CES2: variants seen among roughly 807,000 people sequenced by gnomAD.
The protein encoded by CES2 is cocaine esterase.
CES2 carries 42 observed loss-of-function variants against 52.1 expected under a neutral mutation model. The observed-to-expected ratio is 0.81, with a 90% CI of 0.63 to 1.04. CES2 has a LOEUF of 1.04. Ranked by LOEUF, CES2 falls within the 50% of genes least tolerant of loss-of-function variation. CES2 has a pLI of 0.00. For missense variants in CES2, 656 were observed against 724.3 expected, an observed-to-expected ratio of 0.91 and a Z score of 1.08; for synonymous variants, 277 against 289.6, an observed-to-expected ratio of 0.96 and a Z score of 0.44.
rs546636740 is a variant in CES2 at position 66,943,218 on chromosome 16, T to G, written c.1421-81T>G. ...AGAAGCAGGACTGGGGACCGAGGTC[T>G]CGGGGGCCAAGGACGAGCTCCACCT... On this transcript the variant is annotated intron_variant, in intron 10 of 11. Transcript: ENST00000317091. The surrounding 1 kb of genome is among the most constrained non-coding windows in gnomAD (Gnocchi z 4.2). 6.9e-7 allele frequency: 1 copy of G among 1,458,184 alleles called. No individual in the cohort carries two copies. Among genetic ancestry groups the G allele is most frequent in the African/African-American group, 1.4e-5 (1 of 71,682 alleles). The allele number at this position is 1,458,184 out of a possible 1,614,324, so 90.3% of individuals were successfully genotyped here.
At position 66,935,534 on chromosome 16, in the gene CES2, A is replaced by G; in HGVS notation, c.-102A>G. 6.2e-7 allele frequency: 1 copy of G among 1,614,088 alleles called. No individual in the cohort carries two copies. Among genetic ancestry groups the G allele is most frequent in the Non-Finnish European group, 8.5e-7 (1 of 1,180,020 alleles). ...GACTCCCTGCCCAGTCCAAACTCCAAGGCTGGGCAAGGCACTGATCCACTG... is the reference window on the plus strand; with the variant it reads ...GACTCCCTGCCCAGTCCAAACTCCAGGGCTGGGCAAGGCACTGATCCACTG... On this transcript the variant is annotated 5_prime_UTR_variant, in exon 1 of 12. Transcript: ENST00000317091.
chr16:66,940,587 G>T lies in CES2; in HGVS notation c.708G>T (p.Ser236=), dbSNP rs149179989. 13 of 1,614,208 alleles carry T rather than the reference G, an allele frequency of 8.1e-6. No homozygotes were observed. The highest frequency in any genetic ancestry group is 1.1e-5 in the Non-Finnish European group (13 of 1,180,038). Residue 236 remains serine (S), a synonymous_variant, in exon 5 of 12, where the codon TCG becomes TCT. Coordinates refer to ENST00000317091, the MANE Select transcript of CES2 (RefSeq NM_001365405.1). ...CTGCGGGTGGCACGAGTGTGTCTTC[G>T]CTTGTTGTGTCCCCCATATCCCAAG... ...GESAGGTSVS[S]LVVSPISQGL...
In CES2 at chr16:66,941,628, C is replaced by T. The variant is rs753679470; in HGVS notation, c.1038C>T (p.Phe346=). 8.7e-6 allele frequency: 14 copies of T among 1,613,886 alleles called. No homozygotes were observed. The highest frequency in any genetic ancestry group is 2.7e-5 in the African/African-American group (2 of 74,892). ...PSIVGVNNNE[F]GWLIPKVMRI... ...TTGTTGGTGTCAACAACAATGAATT[C>T]GGCTGGCTCATCCCCAAGGTGAGCC... Residue 346 remains phenylalanine (F), a synonymous_variant, in exon 7 of 12, where the codon TTC becomes TTT. Transcript: ENST00000317091.
Position 66,935,679 on chromosome 16 carries a change from G to A in CES2, c.44G>A (p.Cys15Tyr), listed in dbSNP as rs758169695. ...CGTGCGCGGCTGAGCGCGGTGGCCTGTGGGCTTCTGCTGCTTCTTGTCCGG... is the reference window on the plus strand; with the variant it reads ...CGTGCGCGGCTGAGCGCGGTGGCCTATGGGCTTCTGCTGCTTCTTGTCCGG... ...RLRARLSAVA[C>Y]GLLLLLVRGQ... The change falls in exon 1 of 12, where the codon TGT becomes TAT. Residue 15 changes from cysteine (C) to tyrosine (Y), a missense_variant. Transcript: ENST00000317091. 3 of 1,601,708 alleles carry A rather than the reference G, an allele frequency of 1.9e-6. No individual in the cohort carries two copies. Among genetic ancestry groups the A allele is most frequent in the Non-Finnish European group, 8.5e-7 (1 of 1,179,852 alleles).
chr16:66,938,436 C>G (rs1963270291), intron 2 of CES2, 195 bp downstream of exon 2: 2 of 596,652 alleles, frequency 3.4e-6, no homozygotes, highest in Non-Finnish European at 6.0e-6. Context: ...TTCTCAGACT[C>G]CTGGATCAGG....
At chr16:66,935,798 G>A in intron 1 of CES2, 87 bp downstream of exon 1, 1 of 1,591,936 alleles carries the variant, frequency 6.3e-7, no homozygotes, top group South Asian at 1.1e-5. Context: ...GGGAGGGCAG[G>A]CGCCTGGGAG....
At chr16:66,941,951 T>C in intron 8 of CES2, 103 bp downstream of exon 8, 7 of 1,555,376 alleles carry the variant, frequency 4.5e-6, no homozygotes, top group Non-Finnish European at 5.3e-6. Flanking sequence ...GTGACCCCCA[T>C]GAGCAAAGGC....
chr16:66,943,768 G>T lies in CES2; in HGVS notation c.1494-71G>T. ...GGCTGCCTTGCCTGACCAGACTCAG[G>T]GTGCTCAGGTCTGGGCTTCGGGGGC... On this transcript the variant is annotated intron_variant, in intron 11 of 11. Transcript: ENST00000317091. The surrounding 1 kb of genome is among the most constrained non-coding windows in gnomAD (Gnocchi z 4.2). The T allele has an allele frequency of 7.6e-7, 1 of 1,312,198 alleles. No individual in the cohort carries two copies. Among genetic ancestry groups the T allele is most frequent in the Non-Finnish European group, 1.0e-6 (1 of 952,532 alleles). The allele number at this position is 1,312,198 out of a possible 1,614,324, so 81.3% of individuals were successfully genotyped here.
chr16:66,940,642 G>A lies in CES2; in HGVS notation c.763G>A (p.Gly255Ser). The A allele has an allele frequency of 6.2e-7, 1 of 1,614,262 alleles. No individual in the cohort carries two copies. Among genetic ancestry groups the A allele is most frequent in the Non-Finnish European group, 8.5e-7 (1 of 1,180,048 alleles). ...CTTCCACGGAGCCATCATGGAGAGT[G>A]GCGTGGCCCTCCTGCCCGGCCTCAT... Reference protein sequence around the residue: ...GLFHGAIMESGVALLPGLIAS... With the variant: ...GLFHGAIMESSVALLPGLIAS... Residue 255 changes from glycine to serine, a missense_variant, in exon 5 of 12, where the codon GGC (glycine) becomes AGC (serine). Gly to Ser is a moderately conservative substitution (Grantham distance 56). Transcript: ENST00000317091.
upstream of CES2, chr16:66,935,340 A>C (rs760552966): frequency 8.0e-7 from 1 of 1,250,966 alleles, no homozygotes; most frequent in East Asian, 2.4e-5. Context: ...GGATCGCGGA[A>C]GGGCTGCAGG....
intron 1 of CES2, among the ~76,000 whole-genome samples, chr16:66,937,013 CAAAA>C (rs8192923): frequency 2.5e-5 from 2 of 79,094 alleles, no homozygotes; most frequent in African/African-American, 4.9e-5. Context: ...TTGTCTCTAC[CAAAA>C]AAAAAAAAAA....
chr16:66,934,857 G>C (rs532401573), upstream of CES2: 199 of 163,064 alleles, frequency 1.2e-3, 1 homozygote, highest in African/African-American at 4.6e-3. The surrounding 1 kb of genome is among the most constrained non-coding windows in gnomAD (Gnocchi z 4.1). Flanking sequence ...GACCGGCAGG[G>C]GCTCGTGAAA....
chr16:66,936,693 C>T (rs1464419685), intron 1 of CES2, among the ~76,000 whole-genome samples: 1 of 152,100 alleles, frequency 6.6e-6, no homozygotes, highest in Non-Finnish European at 1.5e-5. Context: ...GTCCTCTCAC[C>T]CGAAACTCTC....
In CES2 at chr16:66,944,024, A is replaced by G. The variant is rs201359751; in HGVS notation, c.1679A>G (p.Ter560TrpextTer12). 1.5e-5 allele frequency: 22 copies of G among 1,440,074 alleles called. No individual in the cohort carries two copies. In the East Asian group the frequency reaches 5.3e-4, roughly 35 times the overall value. 89.2% of individuals were successfully genotyped at this position (1,440,074 alleles called of 1,614,324 possible). A position where few individuals can be genotyped will look rare whatever the true frequency, so the allele number is the denominator to read the frequency against. The change falls in exon 12 of 12, where the codon TAG (stop) becomes TGG (tryptophan). Residue 560 changes from the stop codon to tryptophan (W), a stop_lost. Transcript: ENST00000317091. ...CCTGAAGAGAGACACACAGAGCTGT[A>G]GCTCCCTGTGCCGGGGAGGAGGGGG... ...EEPEERHTEL[*>W]
chr16:66,936,352 G>C (rs1413679949), intron 1 of CES2, among the ~76,000 whole-genome samples: 1 of 152,142 alleles, frequency 6.6e-6, no homozygotes, highest in Non-Finnish European at 1.5e-5. Context: ...GTGAGACTCG[G>C]AGTGTACAAA....
chr16:66,935,892 A>G (rs1213033650), intron 1 of CES2, 181 bp downstream of exon 1: 4 of 1,469,342 alleles, frequency 2.7e-6, no homozygotes, highest in Non-Finnish European at 3.6e-6. Context: ...TCCTAGAAGC[A>G]CAGAAAGGGT....
chr16:66,941,730 T>C (rs1010396282), intron 7 of CES2, 38 bp from the exon 8 acceptor site: 1 of 1,613,840 alleles, frequency 6.2e-7, no homozygotes, highest in African/African-American at 1.3e-5. Flanking sequence ...TCCAGGCTCA[T>C]CCCATCCCCA....
At chr16:66,940,119 A>C in intron 3 of CES2, 103 bp from the exon 4 acceptor site, 2 of 1,483,784 alleles carry the variant, frequency 1.3e-6, no homozygotes, top group Non-Finnish European at 9.2e-7. Flanking sequence ...TGGAGATCTA[A>C]TGGGGAGGTA....
In CES2 at chr16:66,939,196, A is replaced by T. The variant is rs1963292987; in HGVS notation, c.282-21A>T. The stretch of plus-strand genomic sequence containing the variant: ...TGGCCACAGCCTGGCCCCTGGACTG[A>T]TTATTTGCCCTGGTTACCAGGTGTC... On this transcript the variant is annotated intron_variant, in intron 2 of 11. Transcript: ENST00000317091. The T allele has an allele frequency of 1.9e-6, 3 of 1,610,646 alleles. No homozygotes were observed. In the African/African-American group the frequency reaches 4.0e-5, roughly 22 times the overall value.
Sources: allele counts gnomAD v4.1 joint callset (sites outside exome capture counted in the v4.1 genomes callset), GRCh38; gene constraint gnomAD v4.1.1; non-coding constraint Gnocchi (gnomAD v3.1); transcripts MANE v1.5; gene names NCBI Gene and HGNC (gene_info 2026-07-23, HGNC 2026-07-21).